PTPRR: variants seen among roughly 807,000 people sequenced by gnomAD.
PTPRR encodes protein tyrosine phosphatase receptor type R.
PTPRR carries 38 observed loss-of-function variants against 77.2 expected under a neutral mutation model. The observed-to-expected ratio is 0.49, with a 90% CI of 0.38 to 0.65. The LOEUF (loss-of-function observed/expected upper bound fraction) is 0.65. Among genes scored for constraint, PTPRR ranks in the 30% least tolerant of loss-of-function variants. PTPRR has a pLI of 0.00. For missense variants in PTPRR, 744 were observed against 799.2 expected (o/e 0.93, Z 0.83); for synonymous variants, 299 against 283.1 (o/e 1.06, Z -0.57).
In PTPRR at chr12:70,661,007, G is replaced by A. The variant is rs781231041; in HGVS notation, c.1699C>T (p.Leu567Phe). 1.9e-6 allele frequency: 3 copies of A among 1,613,662 alleles called. No individual in the cohort carries two copies. The highest frequency in any genetic ancestry group is 3.3e-5 in the Admixed American group (2 of 59,982). ...CTGTCTTCTTCTACATCCAGCATGA[G>A]CTGTAGGAGGGGCTGGGCACTGTCT... Reference protein sequence around the residue: ...TPDSAQPLLQLMLDVEEDRLA... With the variant: ...TPDSAQPLLQFMLDVEEDRLA... The change falls in exon 12 of 14, where the codon CTC becomes TTC. Residue 567 changes from leucine (L) to phenylalanine (F), a missense_variant. Transcript: ENST00000283228.
At chr12:70,806,738 T>C (rs1300588613) in intron 2 of PTPRR, among the ~76,000 whole-genome samples, 1 of 152,180 alleles carries the variant, frequency 6.6e-6, no homozygotes, top group Admixed American at 6.5e-5. Flanking sequence ...TAGTTCCCAT[T>C]TCCTTTACCA....
intron 8 of PTPRR, among the ~76,000 whole-genome samples, chr12:70,690,524 C>T (rs1406700448): frequency 6.6e-6 from 1 of 152,156 alleles, no homozygotes; most frequent in Non-Finnish European, 1.5e-5. Flanking sequence ...AGCCCTCAGG[C>T]CCCATAACAT....
chr12:70,701,793 T>TAA (rs1888435972), intron 6 of PTPRR, among the ~76,000 whole-genome samples: 1 of 151,928 alleles, frequency 6.6e-6, no homozygotes, highest in African/African-American at 2.4e-5. Context: ...GGCAACATGG[T>TAA]AAAACCCTGT....
intron 6 of PTPRR, among the ~76,000 whole-genome samples, chr12:70,735,729 T>TA (rs1889840634): frequency 6.6e-6 from 1 of 152,232 alleles, no homozygotes; most frequent in South Asian, 2.1e-4. Flanking sequence ...ATTGAGCATA[T>TA]TACTTATCTC....
At chr12:70,655,799 G>A (rs1192944095) in intron 13 of PTPRR, among the ~76,000 whole-genome samples, 1 of 152,190 alleles carries the variant, frequency 6.6e-6, no homozygotes, top group Non-Finnish European at 1.5e-5. Flanking sequence ...CAGAATTCCA[G>A]AGATTGGTTG....
Position 70,684,703 on chromosome 12 carries a change from C to A in PTPRR, c.1359+1G>T, listed in dbSNP as rs1246453708. 4 of 1,565,778 alleles carry A rather than the reference C, an allele frequency of 2.6e-6. No homozygotes were observed. The highest frequency in any genetic ancestry group is 3.5e-6 in the Non-Finnish European group (4 of 1,146,730). The stretch of plus-strand genomic sequence containing the variant: ...AAAGAAATTTGTACTTATTTACTTA[C>A]CCTAATATAATTAGCATTAATGTAG... On this transcript the variant is annotated splice_donor_variant, in intron 9 of 13. Coordinates refer to ENST00000283228, the MANE Select transcript of PTPRR (RefSeq NM_002849.4). LOFTEE classifies it high-confidence loss of function.
At chr12:70,805,488 G>A (rs1891693763) in intron 2 of PTPRR, among the ~76,000 whole-genome samples, 1 of 152,008 alleles carries the variant, frequency 6.6e-6, no homozygotes, top group African/African-American at 2.4e-5. Context: ...CAAGTGGCTG[G>A]GACTACAAGT....
At chr12:70,781,274 C>T (rs1891197818) in intron 2 of PTPRR, among the ~76,000 whole-genome samples, 1 of 152,136 alleles carries the variant, frequency 6.6e-6, no homozygotes, top group Non-Finnish European at 1.5e-5. Context: ...GCACAGATAT[C>T]TATGCTTGTA....
intron 10 of PTPRR, among the ~76,000 whole-genome samples, chr12:70,680,627 C>T (rs977191186): frequency 3.3e-5 from 5 of 152,116 alleles, no homozygotes; most frequent in East Asian, 1.9e-4. Context: ...GGTGGGGACC[C>T]GCTGTGAGAT....
intron 2 of PTPRR, among the ~76,000 whole-genome samples, chr12:70,810,635 G>A (rs1891792338): frequency 6.6e-6 from 1 of 152,156 alleles, no homozygotes; most frequent in Admixed American, 6.5e-5. Flanking sequence ...GCCTGGAGGT[G>A]CTTACTGAGA....
intron 13 of PTPRR, among the ~76,000 whole-genome samples, chr12:70,647,973 G>T (rs753123237): frequency 6.6e-6 from 1 of 152,164 alleles, no homozygotes; most frequent in African/African-American, 2.4e-5. Context: ...CAGGGTCATT[G>T]CTGAAGGCAG....
chr12:70,858,735 C>G (rs930359560), intron 2 of PTPRR, among the ~76,000 whole-genome samples: 1 of 152,052 alleles, frequency 6.6e-6, no homozygotes, highest in East Asian at 1.9e-4. Flanking sequence ...AGCCGAGTGT[C>G]CAACTGCTTA....
At chr12:70,868,276 G>C (rs1418366177) in intron 2 of PTPRR, among the ~76,000 whole-genome samples, 1 of 151,308 alleles carries the variant, frequency 6.6e-6, no homozygotes, top group Non-Finnish European at 1.5e-5. Context: ...AAAAATTTTC[G>C]CAACCTACTC....
At chr12:70,878,367 T>C (rs1180773230) in intron 2 of PTPRR, among the ~76,000 whole-genome samples, 1 of 152,100 alleles carries the variant, frequency 6.6e-6, no homozygotes, top group Non-Finnish European at 1.5e-5. Flanking sequence ...AAAGGGCTAA[T>C]ATCCAGAATC....
intron 2 of PTPRR, among the ~76,000 whole-genome samples, chr12:70,790,074 C>T (rs906763929): frequency 2.0e-5 from 3 of 151,996 alleles, no homozygotes; most frequent in Non-Finnish European, 2.9e-5. Flanking sequence ...ATTAGTTCAC[C>T]CTTTCTACTA....
chr12:70,654,993 G>A (rs192223566), intron 13 of PTPRR, among the ~76,000 whole-genome samples: 10 of 152,270 alleles, frequency 6.6e-5, no homozygotes, highest in Admixed American at 1.3e-4. Flanking sequence ...GAGCAGAGAC[G>A]CCTGCTGCTC....
At chr12:70,777,110 G>C (rs1368199850) in intron 2 of PTPRR, among the ~76,000 whole-genome samples, 1 of 151,726 alleles carries the variant, frequency 6.6e-6, no homozygotes, top group Non-Finnish European at 1.5e-5. Flanking sequence ...TATACATTTT[G>C]TTCCACAACT....
chr12:70,696,679 T>G (rs569752563), intron 8 of PTPRR, among the ~76,000 whole-genome samples: 1 of 152,142 alleles, frequency 6.6e-6, no homozygotes, highest in Non-Finnish European at 1.5e-5. Context: ...TTTTTTAAAT[T>G]TTCACAGAGC....
At chr12:70,828,428 C>A (rs1292736006) in intron 2 of PTPRR, among the ~76,000 whole-genome samples, 1 of 151,992 alleles carries the variant, frequency 6.6e-6, no homozygotes, top group Non-Finnish European at 1.5e-5. Flanking sequence ...TCTAAGTAGC[C>A]CTCTCTTGGG....
Sources: allele counts gnomAD v4.1 joint callset (sites outside exome capture counted in the v4.1 genomes callset), GRCh38; gene constraint gnomAD v4.1.1; transcripts MANE v1.5; gene names NCBI Gene and HGNC (gene_info 2026-07-23, HGNC 2026-07-21).